ETFDH: variants seen among roughly 807,000 people sequenced by gnomAD.
ETFDH encodes the protein electron transfer flavoprotein dehydrogenase.
In ETFDH, 61 loss-of-function variants were observed where a neutral mutation model predicts 73.2. The ratio of observed to expected loss-of-function variants is 0.83; its 90% CI spans 0.68 to 1.03. The LOEUF (loss-of-function observed/expected upper bound fraction) is 1.03. ETFDH is among the 50% of genes least tolerant of loss of function. ETFDH has a pLI of 0.00. For synonymous variants in ETFDH, 243 were observed against 253.3 expected, an observed-to-expected ratio of 0.96 and a Z score of 0.39; for missense variants, 685 against 745.0, an observed-to-expected ratio of 0.92 and a Z score of 0.94.
intron 8 of ETFDH, among the ~76,000 whole-genome samples, chr4:158,698,413 G>A (rs1017586861): frequency 6.6e-6 from 1 of 152,152 alleles, no homozygotes. Flanking sequence ...GGAAAAAGAT[G>A]CAGTTAATTT....
intron 9 of ETFDH, among the ~76,000 whole-genome samples, chr4:158,702,815 T>A (rs1053632014): frequency 1.3e-5 from 2 of 152,214 alleles, no homozygotes; most frequent in Non-Finnish European, 2.9e-5. Flanking sequence ...CTGACTTGCT[T>A]TCTTTTGGAT....
chr4:158,694,427 TA>T (rs1774256508), intron 6 of ETFDH, among the ~76,000 whole-genome samples: 1 of 151,982 alleles, frequency 6.6e-6, no homozygotes, highest in South Asian at 2.1e-4. Context: ...ACCCTGTCTC[TA>T]CTAAAAATAC....
chr4:158,677,312 A>G (rs1773735200), intron 1 of ETFDH, among the ~76,000 whole-genome samples: 1 of 152,248 alleles, frequency 6.6e-6, no homozygotes, highest in African/African-American at 2.4e-5. Context: ...AGGCAAAGAC[A>G]TTAATCAATA....
At chr4:158,696,787 A>G (rs1774318715) in intron 7 of ETFDH, among the ~76,000 whole-genome samples, 1 of 152,222 alleles carries the variant, frequency 6.6e-6, no homozygotes, top group Non-Finnish European at 1.5e-5. Flanking sequence ...GTTGGAGAAT[A>G]CATGTCCATT....
intron 9 of ETFDH, among the ~76,000 whole-genome samples, chr4:158,700,491 CT>C (rs1280972812): frequency 6.6e-6 from 1 of 151,848 alleles, no homozygotes; most frequent in East Asian, 1.9e-4. Flanking sequence ...ACCTTGTGTA[CT>C]TAAGCATGTC....
At chr4:158,690,736 A>G (rs1163416611) in intron 6 of ETFDH, among the ~76,000 whole-genome samples, 3 of 152,142 alleles carry the variant, frequency 2.0e-5, no homozygotes, top group Non-Finnish European at 4.4e-5. Context: ...TCTTGCTACA[A>G]ACTGTACATT....
At chr4:158,690,470 C>T (rs763306692) in intron 6 of ETFDH, 45 bp downstream of exon 6, 4 of 1,098,758 alleles carry the variant, frequency 3.6e-6, no homozygotes, top group Non-Finnish European at 4.2e-6. Context: ...CGACAAACAA[C>T]AGAAAGAACT....
At chr4:158,704,948 G>A (rs1487535384) in intron 10 of ETFDH, among the ~76,000 whole-genome samples, 4 of 151,908 alleles carry the variant, frequency 2.6e-5, no homozygotes, top group Non-Finnish European at 5.9e-5. Flanking sequence ...GTCAAGTATC[G>A]TTCCTTGTTG....
Position 158,706,865 on chromosome 4 carries a change from C to G in ETFDH, c.1690+15C>G, listed in dbSNP as rs11931339. 1 of 1,501,660 alleles carries G rather than the reference C, an allele frequency of 6.7e-7. No individual in the cohort carries two copies. The highest frequency in any genetic ancestry group is 1.7e-5 in the Admixed American group (1 of 59,890). 93.0% of individuals were successfully genotyped at this position (1,501,660 alleles called of 1,614,324 possible). On this transcript the variant is annotated intron_variant, in intron 12 of 12. Transcript: ENST00000511912. ...CTGTCCTGCAGGTAATAATTTCCAT[C>G]TATTCCTAAATATTTGCTTTAAACA...
chr4:158,680,411 T>C, intron 1 of ETFDH, 56 bp from the exon 2 acceptor site: 1 of 1,280,564 alleles, frequency 7.8e-7, no homozygotes, highest in Non-Finnish European at 1.1e-6. Context: ...ATTTTTTCAG[T>C]CTACTGAGGA....
rs532038912 is a variant in ETFDH, at chr4:158,697,497, G to A, written c.832-62G>A. On this transcript the variant is annotated intron_variant, in intron 7 of 12. Coordinates refer to ENST00000511912, the MANE Select transcript of ETFDH (RefSeq NM_004453.4). Reference sequence around the variant, plus strand: ...AAACCTGGCAAGTTTTATGCATTGTGGTGACATAAAAACATTTTTAAAATA... The same window carrying A: ...AAACCTGGCAAGTTTTATGCATTGTAGTGACATAAAAACATTTTTAAAATA... 8 of 1,405,030 alleles carry A rather than the reference G, an allele frequency of 5.7e-6. No homozygotes were observed. The African/African-American group carries it at 1.0e-4, about 18-fold the overall frequency. 87.0% of individuals were successfully genotyped at this position (1,405,030 alleles called of 1,614,324 possible).
In ETFDH at chr4:158,709,016, A is replaced by AGTTT. The variant is rs1554033698; in HGVS notation, c.*492_*495dup. 2.7e-5 allele frequency: 2 copies of AGTTT among 74,668 alleles called. No individual in the cohort carries two copies. Among genetic ancestry groups the AGTTT allele is most frequent in the African/African-American group, 1.2e-4 (2 of 16,006 alleles). 4.6% of individuals were successfully genotyped at this position (74,668 alleles called of 1,614,324 possible). The stretch of plus-strand genomic sequence containing the variant: ...GAAGAAGTATGCCCATCCCTGAACA[A>AGTTT]GTTTGTGTGTGTGTGTGTGTGTGTG... On this transcript the variant is annotated 3_prime_UTR_variant, in exon 13 of 13. Coordinates refer to ENST00000511912, the MANE Select transcript of ETFDH (RefSeq NM_004453.4).
At position 158,684,760 on chromosome 4, in the gene ETFDH, A is replaced by G. The variant is rs1773959507; in HGVS notation, c.487+87A>G. 7 of 833,530 alleles carry G rather than the reference A, an allele frequency of 8.4e-6. No homozygotes were observed. The Middle Eastern group carries it at 8.9e-4, about 106-fold the overall frequency. The allele number at this position is 833,530 out of a possible 1,614,324, so 51.6% of individuals were successfully genotyped here. ...ATCTGACGAAATTTCCTCCTTTTAC[A>G]GACAAGAACTGAGACCCAGATATTT... On this transcript the variant is annotated intron_variant, in intron 4 of 12. Coordinates refer to ENST00000511912, the MANE Select transcript of ETFDH (RefSeq NM_004453.4).
intron 3 of ETFDH, 100 bp from the exon 4 acceptor site, chr4:158,684,492 C>CT: frequency 1.5e-6 from 1 of 652,400 alleles, no homozygotes; most frequent in South Asian, 1.9e-5. Flanking sequence ...GGGGGGAGTT[C>CT]TTTTTTTGTC....
chr4:158,708,241 TGG>T (rs1774688837), intron 12 of ETFDH, 121 bp from the exon 13 acceptor site: 2 of 673,074 alleles, frequency 3.0e-6, no homozygotes, highest in Non-Finnish European at 5.1e-6. Context: ...ATAATCTCTA[TGG>T]GTAAGCATTC....
At chr4:158,682,758 C>T (rs1456889000) in intron 3 of ETFDH, among the ~76,000 whole-genome samples, 1 of 152,056 alleles carries the variant, frequency 6.6e-6, no homozygotes, top group African/African-American at 2.4e-5. Flanking sequence ...TGGTCTCGAA[C>T]TCCTGACCTC....
intron 1 of ETFDH, among the ~76,000 whole-genome samples, chr4:158,676,478 GTAGC>G (rs1773715078): frequency 6.6e-6 from 1 of 152,198 alleles, no homozygotes; most frequent in South Asian, 2.1e-4. Context: ...TTCTAATCTT[GTAGC>G]TAATTTGTTA....
At chr4:158,705,811 T>TG (rs1774594223) in intron 10 of ETFDH, among the ~76,000 whole-genome samples, 1 of 152,216 alleles carries the variant, frequency 6.6e-6, no homozygotes, top group African/African-American at 2.4e-5. Flanking sequence ...CCAGGTGCGG[T>TG]GGCTCATGCC....
At chr4:158,687,439 T>C (rs975166460) in intron 5 of ETFDH, among the ~76,000 whole-genome samples, 7 of 152,204 alleles carry the variant, frequency 4.6e-5, no homozygotes, top group Non-Finnish European at 1.0e-4. Context: ...AGGGACATAC[T>C]TTTTAGGGTA....
Sources: allele counts gnomAD v4.1 joint callset (sites outside exome capture counted in the v4.1 genomes callset), GRCh38; gene constraint gnomAD v4.1.1; transcripts MANE v1.5; gene names NCBI Gene and HGNC (gene_info 2026-07-23, HGNC 2026-07-21).